Variants in FAM184A observed in about 807,000 individuals in gnomAD.
FAM184A encodes the protein family with sequence similarity 184 member A.
A neutral mutation model predicts 143.8 loss-of-function variants in FAM184A; 99 were observed. The ratio of observed to expected loss-of-function variants is 0.69; its 90% CI spans 0.58 to 0.81. The LOEUF (loss-of-function observed/expected upper bound fraction) is 0.81. Ranked by LOEUF, FAM184A falls within the 40% of genes least tolerant of loss-of-function variation. The probability of loss-of-function intolerance (pLI) is 0.00; values close to 1 mark genes in which losing one functional copy is unlikely to be tolerated. For missense variants in FAM184A, 1,217 were observed against 1,310.5 expected (o/e 0.93, Z 1.10); for synonymous variants, 427 against 446.4 (o/e 0.96, Z 0.55).
At chr6:118,983,001 A>G (rs1206168839) in intron 9 of FAM184A, among the ~76,000 whole-genome samples, 1 of 152,234 alleles carries the variant, frequency 6.6e-6, no homozygotes, top group East Asian at 1.9e-4. Flanking sequence ...AATAATATAA[A>G]CTATGTGCAG....
chr6:119,089,329 A>T (rs1033699380), intron 1 of FAM184A, among the ~76,000 whole-genome samples: 1 of 151,722 alleles, frequency 6.6e-6, no homozygotes, highest in Non-Finnish European at 1.5e-5. Context: ...ATAGCCTCCC[A>T]AGTAGCTGGG....
chr6:118,975,859 G>A (rs1453739009), intron 12 of FAM184A, 58 bp downstream of exon 12: 1 of 1,502,216 alleles, frequency 6.7e-7, no homozygotes, highest in African/African-American at 1.4e-5. Context: ...AGGAAATTAT[G>A]AACATTCAAT....
intron 1 of FAM184A, among the ~76,000 whole-genome samples, chr6:119,097,562 C>T (rs967569178): frequency 2.0e-5 from 3 of 152,154 alleles, no homozygotes; most frequent in African/African-American, 7.2e-5. Flanking sequence ...TTTTCTACCA[C>T]GGTCCCTGGC....
intron 13 of FAM184A, 81 bp downstream of exon 13, chr6:118,974,943 A>G: frequency 8.6e-7 from 1 of 1,164,178 alleles, no homozygotes; most frequent in East Asian, 2.4e-5. Flanking sequence ...TAGTCACAAA[A>G]TTAGCATAGA....
rs766496153 is a variant in FAM184A at position 118,964,775 on chromosome 6, T to C, written c.3034-4A>G. The C allele has an allele frequency of 1.4e-6, 2 of 1,452,440 alleles. No homozygotes were observed. The highest frequency in any genetic ancestry group is 1.8e-5 in the Admixed American group (1 of 56,418). The allele number at this position is 1,452,440 out of a possible 1,614,324, so 90.0% of individuals were successfully genotyped here. On this transcript the variant is annotated splice_region_variant and splice_polypyrimidine_tract_variant and intron_variant, in intron 15 of 17. Transcript: ENST00000338891. ...GCTGATAAAACTTATTATCCTCCTATGCAAAAGAATTATAAACATCTTTTA... is the reference window on the plus strand; with the variant it reads ...GCTGATAAAACTTATTATCCTCCTACGCAAAAGAATTATAAACATCTTTTA...
intron 1 of FAM184A, among the ~76,000 whole-genome samples, chr6:119,041,191 G>A (rs534753624): frequency 2.6e-5 from 4 of 152,218 alleles, no homozygotes; most frequent in Admixed American, 6.5e-5. Context: ...CTATAAGGTC[G>A]TGGCGACAAG....
intron 4 of FAM184A, among the ~76,000 whole-genome samples, chr6:119,017,975 A>T (rs1785319641): frequency 6.6e-6 from 1 of 152,074 alleles, no homozygotes; most frequent in African/African-American, 2.4e-5. Flanking sequence ...CATGATTGTA[A>T]GCTTCCTGAG....
chr6:119,091,177 C>G (rs1236066092), intron 1 of FAM184A, among the ~76,000 whole-genome samples: 3 of 152,144 alleles, frequency 2.0e-5, no homozygotes, highest in Non-Finnish European at 4.4e-5. Context: ...CTCCCTCCTA[C>G]CACCAGTAAA....
Position 119,051,719 on chromosome 6 carries a change from T to C in FAM184A, c.159+26422A>G, listed in dbSNP as rs17080788. 8.7e-3 allele frequency among the ~76,000 whole-genome samples: 1,321 copies of C among 152,162 alleles called. 15 individuals are homozygous for C. The highest frequency in any genetic ancestry group is 0.03 in the African/African-American group (1,236 of 41,528). ...AAAGAAAAAAAAGAATATCCTGCTA[T>C]TGGTTTGAGAGGTAAAGTAAGAGGT... On this transcript the variant is annotated intron_variant, in intron 1 of 17. Coordinates refer to ENST00000338891, the MANE Select transcript of FAM184A (RefSeq NM_024581.6).
chr6:118,991,151 TTTTA>T (rs1392908490), intron 9 of FAM184A, among the ~76,000 whole-genome samples: 1 of 151,852 alleles, frequency 6.6e-6, no homozygotes, highest in Non-Finnish European at 1.5e-5. Flanking sequence ...AGATATTTTA[TTTTA>T]TTTTTTAATT....
chr6:119,079,121 A>T (rs1425515570), upstream of FAM184A: 1 of 152,324 alleles, frequency 6.6e-6, no homozygotes, highest in African/African-American at 2.4e-5. Flanking sequence ...ATCCAGAGAC[A>T]TGAGTAGTGA....
At chr6:118,978,654 T>C (rs1439347038) in intron 11 of FAM184A, among the ~76,000 whole-genome samples, 1 of 152,164 alleles carries the variant, frequency 6.6e-6, no homozygotes. Context: ...GGCTTTCCCT[T>C]TGAGGCCCAA....
intron 1 of FAM184A, among the ~76,000 whole-genome samples, chr6:119,057,635 G>A (rs994379428): frequency 1.3e-5 from 2 of 152,028 alleles, no homozygotes; most frequent in Non-Finnish European, 2.9e-5. Flanking sequence ...CCAGCTACTC[G>A]GGGGAGCTGA....
intron 9 of FAM184A, among the ~76,000 whole-genome samples, chr6:118,998,531 A>G (rs1784643570): frequency 6.6e-6 from 1 of 152,246 alleles, no homozygotes; most frequent in Admixed American, 6.5e-5. Flanking sequence ...AGGAGAACAA[A>G]GCATAGGAGG....
At chr6:119,030,988 G>A (rs1396029259) in intron 1 of FAM184A, among the ~76,000 whole-genome samples, 4 of 151,686 alleles carry the variant, frequency 2.6e-5, no homozygotes, top group Non-Finnish European at 5.9e-5. Context: ...TGATGAATAA[G>A]CAATAGTAAT....
intron 1 of FAM184A, among the ~76,000 whole-genome samples, chr6:119,065,783 C>A (rs1346758729): frequency 1.3e-5 from 2 of 151,022 alleles, no homozygotes; most frequent in African/African-American, 2.5e-5. Flanking sequence ...TCCTATCTCT[C>A]TACCACTATT....
intron 1 of FAM184A, among the ~76,000 whole-genome samples, chr6:119,144,798 C>G (rs1772368639): frequency 6.6e-6 from 1 of 152,094 alleles, no homozygotes; most frequent in Admixed American, 6.6e-5. Context: ...GTGACGTGCC[C>G]CCTGGCCTAG....
chr6:119,000,563 C>T (rs544332585), intron 9 of FAM184A, among the ~76,000 whole-genome samples: 3 of 152,086 alleles, frequency 2.0e-5, no homozygotes, highest in Non-Finnish European at 4.4e-5. Flanking sequence ...AGATAGGCAG[C>T]CCATGATGGC....
At chr6:118,978,490 A>G (rs1302339971) in intron 11 of FAM184A, among the ~76,000 whole-genome samples, 1 of 152,208 alleles carries the variant, frequency 6.6e-6, no homozygotes, top group African/African-American at 2.4e-5. Flanking sequence ...TCTCTAGCAC[A>G]TGAAAAGGCT....
Sources: gnomAD v4.1 joint callset for allele counts (sites outside exome capture counted in the v4.1 genomes callset) on GRCh38, gnomAD v4.1.1 for gene constraint, MANE v1.5 for transcripts, NCBI Gene and HGNC (gene_info 2026-07-23, HGNC 2026-07-21) for gene names.